ARHGAP22: variants seen among roughly 807,000 people sequenced by gnomAD.
ARHGAP22 encodes Rho GTPase activating protein 22.
Under a neutral mutation model 59.1 loss-of-function variants are expected in ARHGAP22, and 48 were observed. The ratio of observed to expected loss-of-function variants is 0.81; its 90% confidence interval spans 0.64 to 1.03. The LOEUF (loss-of-function observed/expected upper bound fraction) is 1.03. ARHGAP22 is among the 50% of genes least tolerant of loss of function. ARHGAP22 has a pLI of 0.00. For missense variants in ARHGAP22, 1,015 were observed against 958.7 expected, an observed-to-expected ratio of 1.06 and a Z score of -0.78; for synonymous variants, 445 against 416.4, an observed-to-expected ratio of 1.07 and a Z score of -0.84.
At chr10:48,432,948 A>C in the ARHGAP22 span, among the ~76,000 whole-genome samples, 1 of 152,210 alleles carries the variant, frequency 6.6e-6, no homozygotes. Context: ...GTGTTTGGTA[A>C]ATCAAAATAC....
rs755467681 is a variant in ARHGAP22 at position 48,451,362 on chromosome 10, A to C, written c.989-222T>G. The C allele has an allele frequency of 1.4e-5, 10 of 730,706 alleles. No individual in the cohort carries two copies. The South Asian group carries it at 1.5e-4, about 11-fold the overall frequency. The allele number at this position is 730,706 out of a possible 1,614,324, so 45.3% of individuals were successfully genotyped here. A position where few individuals can be genotyped will look rare whatever the true frequency, so the allele number is the denominator to read the frequency against. On this transcript the variant is annotated intron_variant, in intron 8 of 9. Coordinates refer to ENST00000249601, the MANE Select transcript of ARHGAP22 (RefSeq NM_021226.4). ...CCGCAGAACCGCCTTCCTCAGGCAC[A>C]GAGCCGCAAGCAGGGAGGAAGCACT...
chr10:48,607,232 T>C (rs907037924), upstream of ARHGAP22, among the ~76,000 whole-genome samples: 9 of 152,318 alleles, frequency 5.9e-5, no homozygotes, highest in African/African-American at 1.9e-4. Flanking sequence ...CCCCAGGCGC[T>C]TTTCCTGTGC....
At chr10:48,564,245 C>T (rs940894589) in intron 2 of ARHGAP22, among the ~76,000 whole-genome samples, 8 of 152,120 alleles carry the variant, frequency 5.3e-5, no homozygotes, top group Non-Finnish European at 1.0e-4. Context: ...TTTTACTACA[C>T]AAAATGAGAA....
At chr10:48,634,656 T>C (rs1238670230) in intron 1 of ARHGAP22, among the ~76,000 whole-genome samples, 3 of 152,004 alleles carry the variant, frequency 2.0e-5, no homozygotes, top group African/African-American at 7.3e-5. Flanking sequence ...TGGAATAGAC[T>C]CTCCTCTGCT....
chr10:48,491,823 AG>A (rs1308160337), intron 3 of ARHGAP22, among the ~76,000 whole-genome samples: 2 of 152,262 alleles, frequency 1.3e-5, no homozygotes, highest in Non-Finnish European at 1.5e-5. Flanking sequence ...GTTTAGAAAC[AG>A]CCCCAGCTCT....
chr10:48,518,935 G>A (rs553579730), intron 3 of ARHGAP22, among the ~76,000 whole-genome samples: 6 of 152,328 alleles, frequency 3.9e-5, no homozygotes, highest in African/African-American at 1.4e-4. Flanking sequence ...GTTTTAGCCC[G>A]ATTAGCTTTG....
At chr10:48,470,176 G>C (rs2048100893) in intron 4 of ARHGAP22, among the ~76,000 whole-genome samples, 1 of 152,220 alleles carries the variant, frequency 6.6e-6, no homozygotes, top group Admixed American at 6.5e-5. Context: ...AACCAAACTG[G>C]CCAAGCTGAT....
At chr10:48,601,912 G>C (rs570371952) in intron 1 of ARHGAP22, among the ~76,000 whole-genome samples, 1 of 152,300 alleles carries the variant, frequency 6.6e-6, no homozygotes, top group South Asian at 2.1e-4. Flanking sequence ...ATAATCTACA[G>C]CTCTCATGGA....
intron 3 of ARHGAP22, among the ~76,000 whole-genome samples, chr10:48,522,247 G>A (rs1253238770): frequency 5.9e-5 from 9 of 152,222 alleles, no homozygotes; most frequent in Admixed American, 4.6e-4. Context: ...TCCATGGGCT[G>A]CAGAACCTTG....
chr10:48,450,558 C>G lies in ARHGAP22; in HGVS notation c.1571G>C (p.Gly524Ala). Residue 524 changes from glycine (G) to alanine (A), a missense_variant, in exon 9 of 10, where the codon GGC (glycine) becomes GCC (alanine). Coordinates refer to ENST00000249601, the MANE Select transcript of ARHGAP22 (RefSeq NM_021226.4). Reference sequence around the variant, plus strand: ...GCAGGCCGTGCAGCTGCTGAGTGAGCCCCCCACCGACGACTCGCTGGACGA... The same window carrying G: ...GCAGGCCGTGCAGCTGCTGAGTGAGGCCCCCACCGACGACTCGCTGGACGA... ...GASSSESSVGGSLSSCTACRA... is the reference protein window; with the variant it reads ...GASSSESSVGASLSSCTACRA... 1 of 1,525,180 alleles carries G rather than the reference C, an allele frequency of 6.6e-7. No homozygotes were observed. Among genetic ancestry groups the G allele is most frequent in the Non-Finnish European group, 8.8e-7 (1 of 1,137,382 alleles). The allele number at this position is 1,525,180 out of a possible 1,614,324, so 94.5% of individuals were successfully genotyped here. A position where few individuals can be genotyped will look rare whatever the true frequency, so the allele number is the denominator to read the frequency against.
intron 2 of ARHGAP22, among the ~76,000 whole-genome samples, chr10:48,582,469 G>A (rs1232403362): frequency 6.6e-6 from 1 of 152,182 alleles, no homozygotes; most frequent in East Asian, 1.9e-4. Flanking sequence ...TTGGATGAAA[G>A]GCAGATATTT....
At chr10:48,621,937 CTTTT>C (rs2061299581) in intron 1 of ARHGAP22, among the ~76,000 whole-genome samples, 1 of 152,062 alleles carries the variant, frequency 6.6e-6, no homozygotes, top group African/African-American at 2.4e-5. Flanking sequence ...CCTAAAGTCT[CTTTT>C]GTTTGATTTT....
intron 4 of ARHGAP22, among the ~76,000 whole-genome samples, chr10:48,465,420 C>T (rs1201032955): frequency 6.6e-6 from 1 of 152,254 alleles, no homozygotes; most frequent in African/African-American, 2.4e-5. Flanking sequence ...CCTCTATGAC[C>T]CTGGGCACTG....
intron 1 of ARHGAP22, among the ~76,000 whole-genome samples, chr10:48,620,263 A>T (rs1171034245): frequency 1.7e-5 from 1 of 57,856 alleles, no homozygotes; most frequent in Non-Finnish European, 3.2e-5. Flanking sequence ...ACACACTTGT[A>T]CATGTTTTTT....
intron 3 of ARHGAP22, among the ~76,000 whole-genome samples, chr10:48,540,497 C>T (rs553380524): frequency 5.6e-4 from 86 of 152,328 alleles, no homozygotes; most frequent in African/African-American, 2.0e-3. Flanking sequence ...TCCCAAAGTC[C>T]TGGGATTATA....
intron 1 of ARHGAP22, among the ~76,000 whole-genome samples, chr10:48,621,715 C>T (rs1005626412): frequency 8.5e-5 from 13 of 152,114 alleles, no homozygotes; most frequent in South Asian, 2.1e-4. Context: ...GCTGGTCTTT[C>T]GTCTAGTTAT....
At chr10:48,431,341 C>T in the ARHGAP22 span, 6 of 918,632 alleles carry the variant, frequency 6.5e-6, no homozygotes, top group Non-Finnish European at 1.0e-5. Context: ...TGGCCTGAAA[C>T]CTGCAGTTCT....
intron 1 of ARHGAP22, among the ~76,000 whole-genome samples, chr10:48,644,131 T>C (rs1158685273): frequency 2.0e-5 from 3 of 151,698 alleles, no homozygotes; most frequent in African/African-American, 7.3e-5. Context: ...TGGGCAACAA[T>C]AGCAAAACTC....
chr10:48,631,570 A>G (rs1323833336), intron 1 of ARHGAP22, among the ~76,000 whole-genome samples: 1 of 152,228 alleles, frequency 6.6e-6, no homozygotes, highest in Non-Finnish European at 1.5e-5. Context: ...ATTTTGCAAT[A>G]TATATTTACA....
Sources: gnomAD v4.1 joint callset for allele counts (sites outside exome capture counted in the v4.1 genomes callset) on GRCh38, gnomAD v4.1.1 for gene constraint, MANE v1.5 for transcripts, NCBI Gene and HGNC (gene_info 2026-07-23, HGNC 2026-07-21) for gene names.